The following SOD2 variants were observed in gnomAD, a reference collection of about 807,000 sequenced individuals.
SOD2 encodes superoxide dismutase [Mn], mitochondrial.
A neutral mutation model predicts 27.0 loss-of-function variants in SOD2; 11 were observed. The observed-to-expected ratio is 0.41, with a 90% CI of 0.26 to 0.67. The LOEUF is 0.67. SOD2 is among the 30% of genes least tolerant of loss of function. The probability of loss-of-function intolerance (pLI) is 0.34; values close to 1 mark genes in which losing one functional copy is unlikely to be tolerated. For synonymous variants in SOD2, 105 were observed against 103.0 expected, an observed-to-expected ratio of 1.02 and a Z score of -0.12; for missense variants, 250 against 274.5, an observed-to-expected ratio of 0.91 and a Z score of 0.63.
upstream of SOD2, chr6:159,748,504 C>CTGTCCAGCTTGTAATGGT: frequency 6.8e-7 from 1 of 1,472,926 alleles, no homozygotes; most frequent in Non-Finnish European, 9.0e-7. This position sits in a 1 kb window ranked among gnomAD's most constrained non-coding sequence, Gnocchi z 5.6. Context: ...CATTCTTACA[C>CTGTCCAGCTTGTAATGGT]TGTCCAGCTT....
intron 1 of SOD2, among the ~76,000 whole-genome samples, chr6:159,702,654 C>CAAAAAAAAAAAAAAAAAAA (rs750073120): frequency 2.5e-5 from 1 of 39,834 alleles, no homozygotes; most frequent in African/African-American, 7.8e-5. Context: ...TCTATCTCTC[C>CAAAAAAAAAAAAAAAAAAA]AAAAAAAAAA....
At chr6:159,719,444 C>G (rs1478987780) in intron 1 of SOD2, among the ~76,000 whole-genome samples, 2 of 151,886 alleles carry the variant, frequency 1.3e-5, no homozygotes, top group Non-Finnish European at 2.9e-5. Flanking sequence ...GGGAAAATCG[C>G]TTGAACCAAG....
At chr6:159,735,298 C>T (rs973475784) in intron 1 of SOD2, among the ~76,000 whole-genome samples, 8 of 152,114 alleles carry the variant, frequency 5.3e-5, no homozygotes, top group Admixed American at 6.5e-5. Context: ...GCCACTACGC[C>T]GGGCTAATTT....
At chr6:159,685,860 G>A in intron 3 of SOD2, among the ~76,000 whole-genome samples, 1 of 152,144 alleles carries the variant, frequency 6.6e-6, no homozygotes, top group East Asian at 1.9e-4. Flanking sequence ...AATGAATCGT[G>A]TTAGAGGGAT....
chr6:159,713,062 G>C (rs886795707), intron 1 of SOD2: 6 of 658,070 alleles, frequency 9.1e-6, no homozygotes, highest in Non-Finnish European at 1.6e-5. Flanking sequence ...ACTCTCATGA[G>C]GTTAAGAGGT....
intron 1 of SOD2, among the ~76,000 whole-genome samples, chr6:159,700,384 G>C (rs1777502786): frequency 6.6e-6 from 1 of 152,174 alleles, no homozygotes; most frequent in South Asian, 2.1e-4. Flanking sequence ...GCCAGGCGCG[G>C]TGGCTCACGC....
chr6:159,683,312 C>T (rs1291799556), intron 4 of SOD2, among the ~76,000 whole-genome samples: 3 of 152,038 alleles, frequency 2.0e-5, no homozygotes, highest in African/African-American at 7.2e-5. Context: ...GGTGAAACCC[C>T]GCCTCTACTA....
Position 159,708,974 on chromosome 6 carries a change from T to C in SOD2, c.-115-16111A>G, listed in dbSNP as rs1241302484. On this transcript the variant is annotated intron_variant, in intron 1 of 2. Transcript: ENST00000401980. Reference sequence around the variant, plus strand: ...AGAAATAATACCACACATCTACAACTATCTGATCTTTGAGAAACCTGACAA... The same window carrying C: ...AGAAATAATACCACACATCTACAACCATCTGATCTTTGAGAAACCTGACAA... 2.0e-5 allele frequency among the ~76,000 whole-genome samples: 3 copies of C among 152,182 alleles called. No individual in the cohort carries two copies. The East Asian group carries it at 5.8e-4, about 29-fold the overall frequency.
chr6:159,703,398 T>C (rs1044010660), intron 1 of SOD2, among the ~76,000 whole-genome samples: 1 of 85,248 alleles, frequency 1.2e-5, no homozygotes, highest in African/African-American at 3.9e-5. Flanking sequence ...AAGTTGAGGC[T>C]TTACCTCTTT....
chr6:159,685,195 C>T (rs974425785), intron 3 of SOD2, among the ~76,000 whole-genome samples, 162 bp from the exon 4 acceptor site: 15 of 114,474 alleles, frequency 1.3e-4, no homozygotes, highest in African/African-American at 3.5e-4. Context: ...TTTTAATTCA[C>T]GTTTTTGTTT....
upstream of SOD2, among the ~76,000 whole-genome samples, chr6:159,728,989 TC>T (rs1242786767): frequency 1.3e-5 from 2 of 152,234 alleles, no homozygotes; most frequent in Admixed American, 6.5e-5. Context: ...CTCTTTTATG[TC>T]TAGCTTTTCC....
chr6:159,762,083 G>A, exon 1 of SOD2: 2 of 1,613,060 alleles, frequency 1.2e-6, no homozygotes, highest in Non-Finnish European at 1.7e-6. Flanking sequence ...GGCAGGAGAA[G>A]CAAGATGAAT....
intron 1 of SOD2, among the ~76,000 whole-genome samples, chr6:159,709,818 G>A (rs1198619092): frequency 2.6e-5 from 4 of 152,038 alleles, no homozygotes; most frequent in South Asian, 2.1e-4. Context: ...ACATTCACAC[G>A]TATGTTTATT....
At chr6:159,727,586 G>C, upstream of SOD2, 1 of 986,998 alleles carries the variant, frequency 1.0e-6, no homozygotes, top group Non-Finnish European at 1.2e-6. Flanking sequence ...GGAGCGCGGC[G>C]GGGCCGGCGG....
upstream of SOD2, chr6:159,731,005 G>A (rs1778531139): frequency 6.6e-6 from 1 of 152,108 alleles, no homozygotes; most frequent in Non-Finnish European, 1.5e-5. Context: ...GCTGGGCATG[G>A]TGGTGCGTGC....
At chr6:159,711,970 CATA>C (rs1203936637) in intron 1 of SOD2, among the ~76,000 whole-genome samples, 15 of 110,644 alleles carry the variant, frequency 1.4e-4, no homozygotes, top group African/African-American at 2.2e-4. Context: ...TAACCACCTC[CATA>C]ACCACCACTC....
chr6:159,672,669 A>T lies in SOD2; in HGVS notation c.*9824T>A, dbSNP rs547580751. The T allele has an allele frequency of 2.6e-5, 4 of 152,338 alleles. No homozygotes were observed. Among genetic ancestry groups the T allele is most frequent in the African/African-American group, 9.6e-5 (4 of 41,576 alleles). The allele number at this position is 152,338 out of a possible 1,614,324, so 9.4% of individuals were successfully genotyped here. ...AATTGTAAAGACCATTGAGGCTAGGAAGAAACTGCATCAACTAACGAGCAA... is the reference window on the plus strand; with the variant it reads ...AATTGTAAAGACCATTGAGGCTAGGTAGAAACTGCATCAACTAACGAGCAA... On this transcript the variant is annotated 3_prime_UTR_variant, in exon 5 of 5. Coordinates refer to ENST00000538183, the MANE Select transcript of SOD2 (RefSeq NM_000636.4).
intron 1 of SOD2, chr6:159,742,059 C>G (rs765009144): frequency 4.0e-6 from 6 of 1,500,974 alleles, no homozygotes; most frequent in Non-Finnish European, 4.6e-6. Context: ...TTTATCGTAA[C>G]AACTAATGTA....
chr6:159,722,090 A>G (rs992505226), intron 1 of SOD2, among the ~76,000 whole-genome samples: 3 of 151,912 alleles, frequency 2.0e-5, no homozygotes, highest in African/African-American at 7.2e-5. Flanking sequence ...AAAAAAAAGC[A>G]GGGTAGGTTG....
Sources: gnomAD v4.1 joint callset for allele counts (sites outside exome capture counted in the v4.1 genomes callset) on GRCh38, gnomAD v4.1.1 for gene constraint, Gnocchi (gnomAD v3.1) non-coding constraint, MANE v1.5 for transcripts, NCBI Gene and HGNC (gene_info 2026-07-23, HGNC 2026-07-21) for gene names.